ARNT: variants seen among roughly 807,000 people sequenced by gnomAD.
ARNT encodes the protein class E basic helix-loop-helix protein 2.
Under a neutral mutation model 105.0 loss-of-function variants are expected in ARNT, and 30 were observed. That is an observed-to-expected ratio of 0.29 (90% confidence interval 0.21 to 0.39). The LOEUF is 0.39. ARNT is among the 10% of genes least tolerant of loss of function. ARNT has a pLI of 1.00. For synonymous variants in ARNT, 304 were observed against 344.0 expected, an observed-to-expected ratio of 0.88 and a Z score of 1.29; for missense variants, 748 against 978.7, an observed-to-expected ratio of 0.76 and a Z score of 3.15.
intron 13 of ARNT, among the ~76,000 whole-genome samples, chr1:150,824,847 TTTTAG>T (rs1442675102): frequency 1.5e-4 from 23 of 152,128 alleles, no homozygotes; most frequent in African/African-American, 5.5e-4. Context: ...TTAAAAGTAA[TTTTAG>T]TTATTTTATT....
At chr1:150,846,392 A>G in intron 3 of ARNT, 85 bp from the exon 4 acceptor site, 2 of 1,347,460 alleles carry the variant, frequency 1.5e-6, no homozygotes, top group Non-Finnish European at 2.1e-6. Flanking sequence ...AAGGGGTGAA[A>G]ATATTCAATA....
In ARNT at chr1:150,814,134, T is replaced by C. The variant is rs140525728; in HGVS notation, c.2056A>G (p.Thr686Ala). Reference protein sequence around the residue: ...FSSMSLPGAPTASPGAAAYPS... With the variant: ...FSSMSLPGAPAASPGAAAYPS... ...TAGGCAGCAGCACCAGGCGATGCAG[T>C]TGGGGCACCAGGGAGGGACATGGAG... The change falls in exon 20 of 22, where the codon ACT becomes GCT. Residue 686 changes from threonine to alanine, a missense_variant. Thr to Ala is a moderately conservative substitution (Grantham distance 58). This residue lies in a region of ARNT where 360 missense variants were observed against 411.9 expected (regional missense o/e 0.87). Coordinates refer to ENST00000358595, the MANE Select transcript of ARNT (RefSeq NM_001668.4). 47 of 1,614,114 alleles carry C rather than the reference T, an allele frequency of 2.9e-5. No individual in the cohort carries two copies. The highest frequency in any genetic ancestry group is 1.1e-4 in the African/African-American group (8 of 75,016).
chr1:150,846,124 C>T, intron 4 of ARNT, 139 bp downstream of exon 4: 1 of 656,404 alleles, frequency 1.5e-6, no homozygotes, highest in Non-Finnish European at 2.6e-6. Context: ...CTAAGTTTCA[C>T]ATACTTCCAA....
chr1:150,873,491 T>C (rs1667795352), intron 1 of ARNT, among the ~76,000 whole-genome samples: 1 of 152,110 alleles, frequency 6.6e-6, no homozygotes, highest in African/African-American at 2.4e-5. Flanking sequence ...ACACAACTCT[T>C]AGAGAGTACC....
At chr1:150,817,033 G>C in intron 17 of ARNT, 49 bp downstream of exon 17, 1 of 1,612,872 alleles carries the variant, frequency 6.2e-7, no homozygotes, top group Non-Finnish European at 8.5e-7. Flanking sequence ...ATGCCCATCA[G>C]TAAGTGATCT....
chr1:150,828,945 G>A (rs1658824656), intron 12 of ARNT, 148 bp downstream of exon 12: 2 of 954,426 alleles, frequency 2.1e-6, no homozygotes, highest in Non-Finnish European at 3.0e-6. Flanking sequence ...ATAGGAAGCT[G>A]AAAATAATGT....
chr1:150,833,541 T>C (rs1659715303), intron 8 of ARNT, among the ~76,000 whole-genome samples: 1 of 152,078 alleles, frequency 6.6e-6, no homozygotes, highest in South Asian at 2.1e-4. Context: ...CCACATAATG[T>C]TCAATTTTGT....
chr1:150,876,414 T>C, intron 1 of ARNT, 129 bp downstream of exon 1: 2 of 1,282,678 alleles, frequency 1.6e-6, no homozygotes. Flanking sequence ...TCCCCCACCG[T>C]CTCTCGCGGC....
intron 2 of ARNT, among the ~76,000 whole-genome samples, chr1:150,854,346 TCAGGAGTTTAAGACCAGC>T (rs1664162379): frequency 6.6e-6 from 1 of 151,298 alleles, no homozygotes; most frequent in South Asian, 2.1e-4. Context: ...CTACTTGAAC[TCAGGAGTTTAAGACCAGC>T]CTGGGCAACA....
chr1:150,827,713 G>A (rs1414737155), intron 12 of ARNT, among the ~76,000 whole-genome samples: 1 of 152,160 alleles, frequency 6.6e-6, no homozygotes, highest in Non-Finnish European at 1.5e-5. Context: ...TAGGTTATAG[G>A]CTAAGAGTAT....
chr1:150,829,297 T>A (rs1217109064), intron 11 of ARNT, 70 bp from the exon 12 acceptor site: 23 of 1,501,888 alleles, frequency 1.5e-5, no homozygotes, highest in Non-Finnish European at 2.1e-5. Flanking sequence ...TATCTCCTCA[T>A]GGTCTTTTGC....
At chr1:150,862,201 T>C (rs1003982338) in intron 1 of ARNT, among the ~76,000 whole-genome samples, 1 of 152,194 alleles carries the variant, frequency 6.6e-6, no homozygotes, top group African/African-American at 2.4e-5. Flanking sequence ...TTCACTATTA[T>C]AAATAATGTT....
chr1:150,812,039 A>T lies in ARNT; in HGVS notation c.2352T>A (p.Phe784Leu). ...AATAGTTCTATTCTGAAAAGGGGGG[A>T]AACATAGTTAGATCAGGGAATTCTT... ...NNEEFPDLTM[F>L]PPFSE is the part of the protein sequence containing the mutation. Residue 784 changes from phenylalanine (F) to leucine (L), a missense_variant, in exon 22 of 22, where the codon TTT becomes TTA. Transcript: ENST00000358595. 6.4e-7 allele frequency: 1 copy of T among 1,566,000 alleles called. No homozygotes were observed. The highest frequency in any genetic ancestry group is 8.7e-7 in the Non-Finnish European group (1 of 1,152,450).
chr1:150,825,850 A>G (rs1658120696), intron 13 of ARNT, among the ~76,000 whole-genome samples: 1 of 151,836 alleles, frequency 6.6e-6, no homozygotes, highest in South Asian at 2.1e-4. Context: ...CCTTCTAAAA[A>G]AAAAAAAAAA....
rs866476848 is a variant in ARNT at position 150,833,016 on chromosome 1, T to A, written c.804-617A>T. Among the ~76,000 whole-genome samples, 14 of 152,360 alleles carry A rather than the reference T, an allele frequency of 9.2e-5. No individual in the cohort carries two copies. The Middle Eastern group carries it at 0.01, about 111-fold the overall frequency. On this transcript the variant is annotated intron_variant, in intron 8 of 21. Transcript: ENST00000358595. ...ATGCTCTGTTCTAAATATCTTTACA[T>A]ATATTAATTCATCTAATCTTCATAA...
chr1:150,822,791 G>A (rs1657377547), intron 14 of ARNT, among the ~76,000 whole-genome samples: 1 of 152,236 alleles, frequency 6.6e-6, no homozygotes. Context: ...GGCATCAGAA[G>A]TGGGAGCAGT....
In ARNT at chr1:150,811,680, A is replaced by T. The variant is rs587665796; in HGVS notation, c.*341T>A. ...AAAAACAAGCCATACTATCCAAGGC[A>T]AACAGTGGATGTCAGGTTCTTCTAA... On this transcript the variant is annotated 3_prime_UTR_variant, in exon 22 of 22. Coordinates refer to ENST00000358595, the MANE Select transcript of ARNT (RefSeq NM_001668.4). 1 of 243,002 alleles carries T rather than the reference A, an allele frequency of 4.1e-6. No individual in the cohort carries two copies. The highest frequency in any genetic ancestry group is 8.0e-6 in the Non-Finnish European group (1 of 124,962). 15.1% of individuals were successfully genotyped at this position (243,002 alleles called of 1,614,324 possible).
chr1:150,873,140 T>G (rs905837054), intron 1 of ARNT, among the ~76,000 whole-genome samples: 1 of 150,650 alleles, frequency 6.6e-6, no homozygotes, highest in Admixed American at 6.6e-5. Flanking sequence ...AAAAAAAAAA[T>G]TAGCCGGGCG....
At chr1:150,870,586 C>G (rs192333435) in intron 1 of ARNT, among the ~76,000 whole-genome samples, 1 of 152,146 alleles carries the variant, frequency 6.6e-6, no homozygotes, top group Non-Finnish European at 1.5e-5. Context: ...TGGCTCACTG[C>G]AGCCTCAACC....
Sources: gnomAD v4.1 joint callset for allele counts (sites outside exome capture counted in the v4.1 genomes callset) on GRCh38, gnomAD v4.1.1 for gene constraint, gnomAD v4.1.1 regional missense constraint, MANE v1.5 for transcripts, NCBI Gene and HGNC (gene_info 2026-07-23, HGNC 2026-07-21) for gene names.